SLC7A8: variants seen among roughly 807,000 people sequenced by gnomAD.
SLC7A8 encodes large neutral amino acids transporter small subunit 2.
A neutral mutation model predicts 51.2 loss-of-function variants in SLC7A8; 30 were observed. The ratio of observed to expected loss-of-function variants is 0.59; its 90% CI spans 0.44 to 0.80. The LOEUF (loss-of-function observed/expected upper bound fraction) is 0.80, where lower values mean the gene tolerates loss of function less well. SLC7A8 is among the 30% of genes least tolerant of loss of function. The pLI is 0.00. For synonymous variants in SLC7A8, 257 were observed against 275.8 expected, an observed-to-expected ratio of 0.93 and a Z score of 0.67; for missense variants, 612 against 674.4, an observed-to-expected ratio of 0.91 and a Z score of 1.03.
chr14:23,157,584 T>C (rs1367522473), intron 3 of SLC7A8, among the ~76,000 whole-genome samples: 2 of 152,228 alleles, frequency 1.3e-5, no homozygotes, highest in Non-Finnish European at 2.9e-5. Flanking sequence ...TAGTCTATGG[T>C]GTGGCTATAC....
chr14:23,139,701 A>G (rs1394019008), intron 5 of SLC7A8, among the ~76,000 whole-genome samples, 154 bp from the exon 6 acceptor site: 2 of 152,126 alleles, frequency 1.3e-5, no homozygotes, highest in Non-Finnish European at 2.9e-5. Context: ...TTGTCTCAAT[A>G]TGGGCAGGAT....
intron 1 of SLC7A8, among the ~76,000 whole-genome samples, chr14:23,170,004 A>T (rs544817129): frequency 6.6e-6 from 1 of 152,324 alleles, no homozygotes; most frequent in South Asian, 2.1e-4. Context: ...CTTATTGAAG[A>T]GTTGGAACAC....
At chr14:23,166,794 T>C (rs188252673) in intron 1 of SLC7A8, among the ~76,000 whole-genome samples, 219 of 152,324 alleles carry the variant, frequency 1.4e-3, no homozygotes, top group Admixed American at 8.0e-3. Flanking sequence ...GATGACACTA[T>C]GGAATCAGAT....
intron 6 of SLC7A8, 44 bp from the exon 7 acceptor site, chr14:23,138,068 TC>T: frequency 6.2e-7 from 1 of 1,607,554 alleles, no homozygotes. Flanking sequence ...AGGTCACCAC[TC>T]CCCGACCCCT....
intron 8 of SLC7A8, 97 bp from the exon 9 acceptor site, chr14:23,129,896 C>A: frequency 7.3e-7 from 1 of 1,371,794 alleles, no homozygotes; most frequent in South Asian, 1.3e-5. Context: ...GCAGATGATG[C>A]CATCGTATAA....
intron 3 of SLC7A8, among the ~76,000 whole-genome samples, chr14:23,148,278 G>T (rs1376712929): frequency 2.0e-5 from 3 of 152,144 alleles, no homozygotes; most frequent in Non-Finnish European, 4.4e-5. Flanking sequence ...GCCCAGGCTG[G>T]AGTGCAATGG....
rs530788395 is a variant in SLC7A8, at chr14:23,161,730, C to G, written c.508+3555G>C. 2.0e-3 allele frequency among the ~76,000 whole-genome samples: 299 copies of G among 152,200 alleles called. 3 individuals carry two copies. Among genetic ancestry groups the G allele is most frequent in the African/African-American group, 6.9e-3 (288 of 41,516 alleles). ...ATCACTTGAGGTCAGGAGTTTGAGA[C>G]CAGTCTGACCAACTTGGGGAAACCC... On this transcript the variant is annotated intron_variant, in intron 3 of 10. Coordinates refer to ENST00000316902, the MANE Select transcript of SLC7A8 (RefSeq NM_012244.4).
intron 7 of SLC7A8, among the ~76,000 whole-genome samples, chr14:23,135,375 C>A (rs1555303151): frequency 6.6e-6 from 1 of 151,010 alleles, no homozygotes; most frequent in Non-Finnish European, 1.5e-5. Flanking sequence ...TAGGTGTGAG[C>A]CACTGCGCCT....
At chr14:23,158,872 C>T (rs946315728) in intron 3 of SLC7A8, among the ~76,000 whole-genome samples, 27 of 152,286 alleles carry the variant, frequency 1.8e-4, no homozygotes, top group African/African-American at 4.8e-4. Flanking sequence ...AATGCCTAGC[C>T]TGCTTGTCTC....
Position 23,173,280 on chromosome 14 carries a change from G to A in SLC7A8, c.152-6740C>T, listed in dbSNP as rs141150555. On this transcript the variant is annotated intron_variant, in intron 1 of 10. Coordinates refer to ENST00000316902, the MANE Select transcript of SLC7A8 (RefSeq NM_012244.4). ...TGAGGGCTATTGCAATATATGGCAA[G>A]ATTTTAATGGGTGGAAAAAAAATCA... 1.7e-4 allele frequency among the ~76,000 whole-genome samples: 26 copies of A among 152,326 alleles called. No homozygotes were observed. The East Asian group carries it at 4.0e-3, about 24-fold the overall frequency.
intron 1 of SLC7A8, among the ~76,000 whole-genome samples, chr14:23,181,129 G>C (rs930170274): frequency 2.0e-5 from 3 of 152,088 alleles, no homozygotes; most frequent in African/African-American, 4.8e-5. Flanking sequence ...GTGCGCATCT[G>C]TGTATAAGTC....
At chr14:23,156,058 GC>G in intron 3 of SLC7A8, among the ~76,000 whole-genome samples, 1 of 151,652 alleles carries the variant, frequency 6.6e-6, no homozygotes, top group Admixed American at 6.6e-5. Flanking sequence ...GAGTGCAATG[GC>G]ACGATCTCGG....
intron 1 of SLC7A8, among the ~76,000 whole-genome samples, chr14:23,181,216 G>A (rs1356147461): frequency 6.6e-6 from 1 of 152,028 alleles, no homozygotes; most frequent in Non-Finnish European, 1.5e-5. Context: ...ACCTTAAACT[G>A]GCATGTGCTA....
intron 1 of SLC7A8, among the ~76,000 whole-genome samples, chr14:23,168,886 C>CT (rs2048962784): frequency 6.6e-6 from 1 of 152,212 alleles, no homozygotes; most frequent in African/African-American, 2.4e-5. Context: ...GCAACACTAA[C>CT]TGCCCACTTC....
intron 1 of SLC7A8, among the ~76,000 whole-genome samples, chr14:23,181,465 G>A (rs1050852696): frequency 1.2e-4 from 18 of 151,274 alleles, no homozygotes; most frequent in African/African-American, 3.9e-4. Context: ...GGGGGGGATG[G>A]GATTTCATTT....
intron 3 of SLC7A8, among the ~76,000 whole-genome samples, chr14:23,149,344 C>G (rs956119483): frequency 1.3e-5 from 2 of 152,184 alleles, no homozygotes; most frequent in Admixed American, 6.5e-5. Context: ...CAGGTTCTCC[C>G]CCAGTCTCCC....
At chr14:23,158,251 G>A (rs958386254) in intron 3 of SLC7A8, among the ~76,000 whole-genome samples, 1 of 152,166 alleles carries the variant, frequency 6.6e-6, no homozygotes, top group South Asian at 2.1e-4. Context: ...AAGTTATACT[G>A]CTCTAGAGCA....
intron 3 of SLC7A8, chr14:23,154,448 T>C (rs1158147258): frequency 2.0e-6 from 2 of 987,592 alleles, no homozygotes; most frequent in African/African-American, 3.5e-5. Context: ...TGGGTGTGGC[T>C]ACGCTCGGCT....
chr14:23,181,945 C>T (rs936451681), intron 1 of SLC7A8, among the ~76,000 whole-genome samples: 1 of 152,248 alleles, frequency 6.6e-6, no homozygotes, highest in Non-Finnish European at 1.5e-5. Context: ...CCTGCACTGG[C>T]ACTCTTGGGG....
Sources: gnomAD v4.1 joint callset for allele counts (sites outside exome capture counted in the v4.1 genomes callset) on GRCh38, gnomAD v4.1.1 for gene constraint, MANE v1.5 for transcripts, NCBI Gene and HGNC (gene_info 2026-07-23, HGNC 2026-07-21) for gene names.